Variants in SOHLH2 observed in about 807,000 individuals in gnomAD.
SOHLH2 encodes the protein spermatogenesis- and oogenesis-specific basic helix-loop-helix-containing protein 2.
Under a neutral mutation model 50.4 loss-of-function variants are expected in SOHLH2, and 22 were observed. The ratio of observed to expected loss-of-function variants is 0.44; its 90% confidence interval spans 0.31 to 0.62. SOHLH2 has a LOEUF of 0.62. SOHLH2 is among the 20% of genes least tolerant of loss of function. SOHLH2 has a pLI of 0.08. For missense variants in SOHLH2, 412 were observed against 504.4 expected (o/e 0.82, Z 1.76); for synonymous variants, 185 against 187.3 (o/e 0.99, Z 0.10).
chr13:36,181,125 A>G (rs541912147), intron 6 of SOHLH2, among the ~76,000 whole-genome samples: 1 of 152,284 alleles, frequency 6.6e-6, no homozygotes, highest in Admixed American at 6.5e-5. Flanking sequence ...GCCCCTCTTT[A>G]CCGCAGGTAA....
In SOHLH2 at chr13:36,168,942, G is replaced by C; in HGVS notation, c.*92C>G. 1 of 1,536,688 alleles carries C rather than the reference G, an allele frequency of 6.5e-7. No homozygotes were observed. Among genetic ancestry groups the C allele is most frequent in the East Asian group, 2.4e-5 (1 of 41,488 alleles). On this transcript the variant is annotated 3_prime_UTR_variant, in exon 11 of 11. Transcript: ENST00000379881. Reference sequence around the variant, plus strand: ...TCTTTTGATATTAGGTCTTTGGGTGGAGCTTTCAAAATCATTCTTTGTTCC... The same window carrying C: ...TCTTTTGATATTAGGTCTTTGGGTGCAGCTTTCAAAATCATTCTTTGTTCC...
intron 2 of SOHLH2, among the ~76,000 whole-genome samples, chr13:36,194,227 A>C (rs1887657755): frequency 6.6e-6 from 1 of 152,028 alleles, no homozygotes; most frequent in Non-Finnish European, 1.5e-5. Flanking sequence ...TTTTAAATAT[A>C]TATATAATTA....
chr13:36,213,642 C>T (rs1433776322), intron 1 of SOHLH2, among the ~76,000 whole-genome samples: 3 of 152,106 alleles, frequency 2.0e-5, no homozygotes, highest in Non-Finnish European at 2.9e-5. Context: ...TGATTTTGTG[C>T]TTTGCTAAAG....
At chr13:36,193,949 C>T in intron 2 of SOHLH2, 82 bp from the exon 3 acceptor site, 1 of 1,275,418 alleles carries the variant, frequency 7.8e-7, no homozygotes, top group Non-Finnish European at 1.1e-6. Context: ...TTATTAGGAA[C>T]TAACTACAGT....
chr13:36,199,480 A>G (rs538349331), intron 2 of SOHLH2, among the ~76,000 whole-genome samples: 44 of 152,348 alleles, frequency 2.9e-4, no homozygotes, highest in African/African-American at 8.9e-4. Context: ...CAAGACCTTC[A>G]CTGGGTGTTG....
In SOHLH2 at chr13:36,193,858, T is replaced by C. The variant is rs1482530613; in HGVS notation, c.273A>G (p.Lys91=). ...CAAACAGTGAATGTGTATTTTTCTT[T>C]TTGCCAAATCTGAGAGAGGAAAGAA... ...LEAIKLIRFG[K]KKNTHSLFVF... is the part of the protein sequence containing the mutation. The change falls in exon 3 of 11, where the codon AAA becomes AAG. Residue 91 remains lysine, a synonymous_variant. Coordinates refer to ENST00000379881, the MANE Select transcript of SOHLH2 (RefSeq NM_017826.3). 1 of 1,600,258 alleles carries C rather than the reference T, an allele frequency of 6.2e-7. No individual in the cohort carries two copies. The highest frequency in any genetic ancestry group is 1.8e-5 in the Admixed American group (1 of 56,400).
intron 4 of SOHLH2, among the ~76,000 whole-genome samples, 163 bp downstream of exon 4, chr13:36,193,458 G>A (rs1327984181): frequency 6.6e-6 from 1 of 152,210 alleles, no homozygotes; most frequent in Non-Finnish European, 1.5e-5. Context: ...TTGCCCTTGG[G>A]CAACACATTC....
intron 6 of SOHLH2, chr13:36,183,286 C>A: frequency 9.6e-6 from 2 of 208,436 alleles, no homozygotes; most frequent in South Asian, 7.4e-5. Flanking sequence ...AATGGACTAA[C>A]ACAATAACAT....
intron 6 of SOHLH2, among the ~76,000 whole-genome samples, chr13:36,176,712 A>G (rs1420967879): frequency 1.3e-5 from 2 of 152,124 alleles, no homozygotes; most frequent in Non-Finnish European, 2.9e-5. Flanking sequence ...CAGTGCTGAA[A>G]AAGTTTGATT....
chr13:36,195,807 T>C (rs1227268293), intron 2 of SOHLH2, among the ~76,000 whole-genome samples: 1 of 152,170 alleles, frequency 6.6e-6, no homozygotes, highest in Non-Finnish European at 1.5e-5. Context: ...TCAGACTTGA[T>C]TCTGTGCTAT....
intron 6 of SOHLH2, among the ~76,000 whole-genome samples, chr13:36,185,927 C>T (rs1348531626): frequency 6.6e-6 from 1 of 152,132 alleles, no homozygotes; most frequent in Non-Finnish European, 1.5e-5. Context: ...CCGTTGAATC[C>T]TATCAAACAT....
Position 36,168,974 on chromosome 13 carries a change from C to T in SOHLH2, c.*60G>A. 4 of 1,573,612 alleles carry T rather than the reference C, an allele frequency of 2.5e-6. No homozygotes were observed. Among genetic ancestry groups the T allele is most frequent in the Non-Finnish European group, 3.4e-6 (4 of 1,163,816 alleles). On this transcript the variant is annotated 3_prime_UTR_variant, in exon 11 of 11. Coordinates refer to ENST00000379881, the MANE Select transcript of SOHLH2 (RefSeq NM_017826.3). ...CAAAATCATTCTTTGTTCCACTTTT[C>T]CTAGATTGTCAAACTGCGCCCAGTA...
At position 36,192,038 on chromosome 13, in the gene SOHLH2, T is replaced by C. The variant is rs534037140; in HGVS notation, c.431-144A>G. ...GCAGTATTTTTAAAACTGAAAGCAA[T>C]TTATAGATTTCTGTGAAATATAAAA... is the stretch of plus-strand genomic sequence containing the variant. On this transcript the variant is annotated intron_variant, in intron 4 of 10. Coordinates refer to ENST00000379881, the MANE Select transcript of SOHLH2 (RefSeq NM_017826.3). The C allele has an allele frequency of 1.2e-3, 1,133 of 934,318 alleles. 3 individuals carry two copies. The highest frequency in any genetic ancestry group is 1.6e-3 in the Non-Finnish European group (1,029 of 635,324). 57.9% of individuals were successfully genotyped at this position (934,318 alleles called of 1,614,324 possible).
chr13:36,196,006 A>C (rs1887711754), intron 2 of SOHLH2, among the ~76,000 whole-genome samples: 1 of 152,132 alleles, frequency 6.6e-6, no homozygotes, highest in Admixed American at 6.5e-5. Flanking sequence ...GTGGTGACAC[A>C]GAGGGAATAG....
chr13:36,189,970 T>C lies in SOHLH2; in HGVS notation c.617A>G (p.His206Arg). Residue 206 changes from histidine (H) to arginine (R), a missense_variant, in exon 6 of 11, where the codon CAT becomes CGT. By Grantham distance (29) the His-to-Arg change is conservative (BLOSUM62 0). Coordinates refer to ENST00000379881, the MANE Select transcript of SOHLH2 (RefSeq NM_017826.3). ...FEKNKKISLL[H>R]SSKEKLRRER... The stretch of plus-strand genomic sequence containing the variant: ...CCTTCTTAGTTTTTCCTTGCTTGAA[T>C]GAAGAAGAGAGATCTTTTTGTTTTT... 3 of 1,594,452 alleles carry C rather than the reference T, an allele frequency of 1.9e-6. No individual in the cohort carries two copies. The highest frequency in any genetic ancestry group is 1.1e-5 in the South Asian group (1 of 87,312).
intron 1 of SOHLH2, among the ~76,000 whole-genome samples, chr13:36,207,003 T>A (rs1868812141): frequency 6.6e-6 from 1 of 151,916 alleles, no homozygotes; most frequent in African/African-American, 2.4e-5. Context: ...GTTTTTCACC[T>A]CAAATTTTAT....
chr13:36,169,501 C>T (rs9602362), intron 10 of SOHLH2, among the ~76,000 whole-genome samples: 30,238 of 152,016 alleles, frequency 0.2, 3,249 homozygotes, highest in Non-Finnish European at 0.24. Flanking sequence ...CAGTATCTAC[C>T]GTCAAAGGAT....
chr13:36,168,822 A>T lies in SOHLH2; in HGVS notation c.*212T>A. ...GCTGGCGGGGATCCAAGTGTGTATG[A>T]AGATGAGTGACAGTGTGTGGCCAGC... On this transcript the variant is annotated 3_prime_UTR_variant, in exon 11 of 11. Coordinates refer to ENST00000379881, the MANE Select transcript of SOHLH2 (RefSeq NM_017826.3). The T allele has an allele frequency of 2.9e-6, 2 of 688,518 alleles. No individual in the cohort carries two copies. Among genetic ancestry groups the T allele is most frequent in the South Asian group, 3.2e-5 (1 of 30,996 alleles). The allele number at this position is 688,518 out of a possible 1,614,324, so 42.7% of individuals were successfully genotyped here. A position where few individuals can be genotyped will look rare whatever the true frequency, so the allele number is the denominator to read the frequency against.
intron 6 of SOHLH2, among the ~76,000 whole-genome samples, chr13:36,178,302 AT>A (rs35414216): frequency 0.15 from 23,109 of 152,020 alleles, 2,168 homozygotes; most frequent in East Asian, 0.42. Context: ...AATTTTTTAT[AT>A]GGTGTGAAGT....
Sources: allele counts gnomAD v4.1 joint callset (sites outside exome capture counted in the v4.1 genomes callset), GRCh38; gene constraint gnomAD v4.1.1; transcripts MANE v1.5; gene names NCBI Gene and HGNC (gene_info 2026-07-23, HGNC 2026-07-21).